The following DNAJC5G variants were observed in gnomAD, a reference collection of about 807,000 sequenced individuals.
DNAJC5G encodes dnaJ homolog subfamily C member 5G.
Under a neutral mutation model 19.1 loss-of-function variants are expected in DNAJC5G, and 13 were observed. The observed-to-expected ratio is 0.68, with a 90% CI of 0.44 to 1.08. The LOEUF is 1.08. Ranked by LOEUF, DNAJC5G falls within the 50% of genes least tolerant of loss-of-function variation. DNAJC5G has a pLI of 0.00. For missense variants in DNAJC5G, 245 were observed against 230.4 expected (o/e 1.06, Z -0.41); for synonymous variants, 81 against 84.4 (o/e 0.96, Z 0.22).
rs554060351 is a variant in DNAJC5G, at chr2:27,280,525, C to A, written c.*115C>A. ...TGTCCTGACATTGACCCTGATTTGA[C>A]CCCTCTTCTTATAAGGATCTCAAGA... On this transcript the variant is annotated 3_prime_UTR_variant, in exon 7 of 7. Coordinates refer to ENST00000296097, the MANE Select transcript of DNAJC5G (RefSeq NM_173650.3). 6.9e-6 allele frequency: 2 copies of A among 288,332 alleles called. No individual in the cohort carries two copies. The highest frequency in any genetic ancestry group is 4.2e-5 in the African/African-American group (2 of 47,406). The allele number at this position is 288,332 out of a possible 1,614,324, so 17.9% of individuals were successfully genotyped here.
chr2:27,280,273 A>C (rs1678312681), intron 6 of DNAJC5G, 40 bp downstream of exon 6: 45 of 1,548,438 alleles, frequency 2.9e-5, no homozygotes, highest in African/African-American at 4.1e-5. Context: ...TCAGATAAGA[A>C]AAGCATGTAA....
rs79846791 is a variant in DNAJC5G at position 27,275,582 on chromosome 2, G to A, written c.-286+29G>A. 2,568 of 300,730 alleles carry A rather than the reference G, an allele frequency of 8.5e-3. 63 individuals carry two copies. Among genetic ancestry groups the A allele is most frequent in the African/African-American group, 0.053 (2,409 of 45,876 alleles). The allele number at this position is 300,730 out of a possible 1,614,324, so 18.6% of individuals were successfully genotyped here. On this transcript the variant is annotated intron_variant, in intron 1 of 6. Coordinates refer to ENST00000296097, the MANE Select transcript of DNAJC5G (RefSeq NM_173650.3). ...AAGGGCCAGACCCAGGTGAGGAGTCGGCACAGGGCCAGAGGTGCCCTGCAC... is the reference window on the plus strand; with the variant it reads ...AAGGGCCAGACCCAGGTGAGGAGTCAGCACAGGGCCAGAGGTGCCCTGCAC...
At chr2:27,278,105 G>T (rs199500100) in intron 4 of DNAJC5G, 83 bp from the exon 5 acceptor site, 15 of 1,607,616 alleles carry the variant, frequency 9.3e-6, no homozygotes, top group Admixed American at 1.7e-5. Context: ...TCATTTTCTG[G>T]GTGCCAGGAG....
intron 5 of DNAJC5G, among the ~76,000 whole-genome samples, chr2:27,279,764 A>T (rs1678283239): frequency 6.6e-6 from 1 of 151,804 alleles, no homozygotes; most frequent in Non-Finnish European, 1.5e-5. Flanking sequence ...AAAAAAAAAA[A>T]ATACAGAAGT....
At chr2:27,280,394 C>T (rs35210495) in intron 6 of DNAJC5G, 35 bp from the exon 7 acceptor site, 19,066 of 647,762 alleles carry the variant, frequency 0.029, 399 homozygotes, top group Middle Eastern at 0.058. Context: ...ATTATTCCTT[C>T]TGATTAATAA....
rs1268819236 is a variant in DNAJC5G at position 27,280,164 on chromosome 2, A to G, written c.521-2A>G. The G allele has an allele frequency of 5.6e-6, 9 of 1,613,804 alleles. No individual in the cohort carries two copies. Among genetic ancestry groups the G allele is most frequent in the East Asian group, 2.2e-5 (1 of 44,874 alleles). ...GTAAACATATATATAATTCCATCAT[A>G]GGAGCCAAATGTGATTTTAGAAGCG... On this transcript the variant is annotated splice_acceptor_variant, in intron 5 of 6. Coordinates refer to ENST00000296097, the MANE Select transcript of DNAJC5G (RefSeq NM_173650.3). LOFTEE classifies it high-confidence loss of function.
chr2:27,277,579 G>A (rs1393054369), intron 3 of DNAJC5G, among the ~76,000 whole-genome samples, 175 bp from the exon 4 acceptor site: 2 of 152,038 alleles, frequency 1.3e-5, no homozygotes, highest in African/African-American at 4.8e-5. Flanking sequence ...CCATTTTTAA[G>A]TTCCAACAAG....
At chr2:27,276,568 A>T in intron 2 of DNAJC5G, 158 bp from the exon 3 acceptor site, 1 of 585,686 alleles carries the variant, frequency 1.7e-6, no homozygotes, top group Non-Finnish European at 3.0e-6. Context: ...TTCTCCTGCT[A>T]GCCACAAATC....
Position 27,278,376 on chromosome 2 carries a change from T to C in DNAJC5G, c.520+44T>C, listed in dbSNP as rs1377933102. On this transcript the variant is annotated intron_variant, in intron 5 of 6. Coordinates refer to ENST00000296097, the MANE Select transcript of DNAJC5G (RefSeq NM_173650.3). ...GACTGTGAGGTAAGAAATGTCTGGA[T>C]TGGGAATGAAAGAAATGATTGGGGT... 3.1e-6 allele frequency: 5 copies of C among 1,609,502 alleles called. No individual in the cohort carries two copies. The South Asian group carries it at 3.3e-5, about 11-fold the overall frequency.
chr2:27,280,080 C>A, intron 5 of DNAJC5G, 86 bp from the exon 6 acceptor site: 1 of 1,313,098 alleles, frequency 7.6e-7, no homozygotes, highest in Non-Finnish European at 1.1e-6. Flanking sequence ...TAATGAGTAA[C>A]TGCAAGGTAA....
Position 27,275,483 on chromosome 2 carries a change from C to T in DNAJC5G, c.-356C>T, listed in dbSNP as rs1368109905. 2.1e-5 allele frequency: 7 copies of T among 336,234 alleles called. No homozygotes were observed. The highest frequency in any genetic ancestry group is 2.1e-4 in the Admixed American group (5 of 24,074). The allele number at this position is 336,234 out of a possible 1,614,324, so 20.8% of individuals were successfully genotyped here. ...CGCACAAGCGCAGTCAACTGCTGGA[C>T]CCGGCCGGTGTGAAGTTTCACACCC... On this transcript the variant is annotated 5_prime_UTR_variant, in exon 1 of 7. Transcript: ENST00000296097.
At chr2:27,276,923 C>CT (rs574019537) in intron 3 of DNAJC5G, 82 bp downstream of exon 3, 28,665 of 513,050 alleles carry the variant, frequency 0.056, 334 homozygotes, top group African/African-American at 0.11. Flanking sequence ...CTATCTGACT[C>CT]TTTTTTTTTT....
chr2:27,279,596 G>A (rs551706260), intron 5 of DNAJC5G, among the ~76,000 whole-genome samples: 6 of 152,080 alleles, frequency 3.9e-5, no homozygotes, highest in Admixed American at 2.0e-4. Flanking sequence ...TGTGCCTGGC[G>A]GGATGCAATT....
In DNAJC5G at chr2:27,280,436, C is replaced by A; in HGVS notation, c.*26C>A. Reference sequence around the variant, plus strand: ...ACCTTCTTCCGCCACTAGGTGCTGACCCAGTGAGGGTGCCTTCTGCTGCCC... The same window carrying A: ...ACCTTCTTCCGCCACTAGGTGCTGAACCAGTGAGGGTGCCTTCTGCTGCCC... On this transcript the variant is annotated 3_prime_UTR_variant, in exon 7 of 7. Transcript: ENST00000296097. The A allele has an allele frequency of 3.8e-6, 2 of 524,852 alleles. No individual in the cohort carries two copies. The highest frequency in any genetic ancestry group is 4.3e-5 in the South Asian group (2 of 46,566). The allele number at this position is 524,852 out of a possible 1,614,324, so 32.5% of individuals were successfully genotyped here.
Position 27,276,664 on chromosome 2 carries a change from T to A in DNAJC5G, c.-3-62T>A, listed in dbSNP as rs1386437734. 5.4e-6 allele frequency: 8 copies of A among 1,475,940 alleles called. No individual in the cohort carries two copies. In the East Asian group the frequency reaches 1.8e-4, roughly 34 times the overall value. 91.4% of individuals were successfully genotyped at this position (1,475,940 alleles called of 1,614,324 possible). On this transcript the variant is annotated intron_variant, in intron 2 of 6. Coordinates refer to ENST00000296097, the MANE Select transcript of DNAJC5G (RefSeq NM_173650.3). ...GTAGTGAGTTTCCTGTCACTGGAAG[T>A]GCACTTCTCGGTACCCTTACTTGTA... is the stretch of plus-strand genomic sequence containing the variant.
intron 3 of DNAJC5G, 43 bp from the exon 4 acceptor site, chr2:27,277,711 T>C (rs1399008172): frequency 1.2e-6 from 2 of 1,610,870 alleles, no homozygotes; most frequent in South Asian, 2.2e-5. Flanking sequence ...CTGCACTCTC[T>C]AGAGACTAAT....
At chr2:27,278,683 CAAAAA>C (rs1180058010) in intron 5 of DNAJC5G, among the ~76,000 whole-genome samples, 5 of 26,738 alleles carry the variant, frequency 1.9e-4, no homozygotes, top group Non-Finnish European at 3.5e-4. Context: ...GACTCCATCT[CAAAAA>C]AAAAAAAAAA....
chr2:27,276,824 C>T lies in DNAJC5G; in HGVS notation c.96C>T (p.Asp32=). The T allele has an allele frequency of 1.2e-6, 2 of 1,613,330 alleles. No individual in the cohort carries two copies. The highest frequency in any genetic ancestry group is 1.7e-6 in the Non-Finnish European group (2 of 1,179,734). The change falls in exon 3 of 7, where the codon GAC becomes GAT. Residue 32 remains aspartate (D), a synonymous_variant. Transcript: ENST00000296097. ...TTAAGAAGGGCGCCTCACCTGAAGACTTCAAAAAATCCTACAGGTTCAGAC... is the reference window on the plus strand; with the variant it reads ...TTAAGAAGGGCGCCTCACCTGAAGATTTCAAAAAATCCTACAGGTTCAGAC... ...LDLKKGASPE[D]FKKSYSHSAL...
At chr2:27,278,401 T>C (rs1463527065) in intron 5 of DNAJC5G, 69 bp downstream of exon 5, 1 of 1,585,414 alleles carries the variant, frequency 6.3e-7, no homozygotes, top group African/African-American at 1.3e-5. Flanking sequence ...ATGATTGGGG[T>C]TGGGCACAAT....
Sources: allele counts gnomAD v4.1 joint callset (sites outside exome capture counted in the v4.1 genomes callset), GRCh38; gene constraint gnomAD v4.1.1; transcripts MANE v1.5; gene names NCBI Gene and HGNC (gene_info 2026-07-23, HGNC 2026-07-21).